MCCC2: variants seen among roughly 807,000 people sequenced by gnomAD.
The protein encoded by MCCC2 is methylcrotonoyl-CoA carboxylase beta chain, mitochondrial.
A neutral mutation model predicts 77.2 loss-of-function variants in MCCC2; 52 were observed. That is an observed-to-expected ratio of 0.67 (90% confidence interval 0.54 to 0.85). MCCC2 has a LOEUF of 0.85. Among genes scored for constraint, MCCC2 ranks in the 40% least tolerant of loss-of-function variants. The pLI is 0.00. For missense variants in MCCC2, 682 were observed against 703.2 expected, an observed-to-expected ratio of 0.97 and a Z score of 0.34; for synonymous variants, 253 against 248.4, an observed-to-expected ratio of 1.02 and a Z score of -0.18.
At chr5:71,601,879 T>C (rs1745451098) in intron 4 of MCCC2, among the ~76,000 whole-genome samples, 1 of 152,092 alleles carries the variant, frequency 6.6e-6, no homozygotes, top group African/African-American at 2.4e-5. Context: ...AATAAACTGG[T>C]TTTGGTGAGA....
intron 8 of MCCC2, among the ~76,000 whole-genome samples, chr5:71,634,544 T>C (rs1448774897): frequency 6.6e-6 from 1 of 152,196 alleles, no homozygotes; most frequent in Non-Finnish European, 1.5e-5. Context: ...AAGTGTGCCG[T>C]CTGTGGTTGG....
chr5:71,624,693 CTT>C (rs36140678), intron 6 of MCCC2, among the ~76,000 whole-genome samples: 1,268 of 101,850 alleles, frequency 0.012, 18 homozygotes, highest in African/African-American at 0.034. Flanking sequence ...TTCTTTCTTT[CTT>C]TTTTTTTTTT....
chr5:71,644,496 C>T (rs985409625), intron 12 of MCCC2, among the ~76,000 whole-genome samples: 3 of 151,888 alleles, frequency 2.0e-5, no homozygotes, highest in African/African-American at 7.2e-5. Context: ...TCCTCCAAGA[C>T]ATCAGAAAAA....
chr5:71,607,786 T>C (rs377089691), intron 6 of MCCC2, among the ~76,000 whole-genome samples: 1,620 of 149,706 alleles, frequency 0.011, 19 homozygotes, highest in Non-Finnish European at 0.016. Context: ...TCTTTGTTCT[T>C]GTTGGTTTCA....
intron 3 of MCCC2, among the ~76,000 whole-genome samples, chr5:71,597,118 A>G (rs1375281993): frequency 2.6e-5 from 4 of 151,278 alleles, no homozygotes; most frequent in African/African-American, 7.3e-5. Flanking sequence ...TTAAAGGAGG[A>G]GAGAGAGAGA....
At chr5:71,634,502 C>T (rs1258827840) in intron 8 of MCCC2, among the ~76,000 whole-genome samples, 1 of 152,206 alleles carries the variant, frequency 6.6e-6, no homozygotes, top group Non-Finnish European at 1.5e-5. Context: ...CAGTTACGTA[C>T]ACAGTTTATG....
intron 13 of MCCC2, among the ~76,000 whole-genome samples, chr5:71,648,211 G>A (rs995333405): frequency 6.6e-6 from 1 of 152,226 alleles, no homozygotes; most frequent in African/African-American, 2.4e-5. Context: ...GCAAACCAGG[G>A]ATAGTGGCAG....
chr5:71,610,983 TCAAA>T (rs572414627), intron 6 of MCCC2, among the ~76,000 whole-genome samples: 1,827 of 152,098 alleles, frequency 0.012, 23 homozygotes, highest in Non-Finnish European at 0.016. Flanking sequence ...AGACTCCGTC[TCAAA>T]CAAACAAAGA....
At position 71,596,939 on chromosome 5, in the gene MCCC2, C is replaced by A. The variant is rs377078935; in HGVS notation, c.281+575C>A. 6.7e-3 allele frequency among the ~76,000 whole-genome samples: 880 copies of A among 131,336 alleles called. 9 individuals carry two copies. The highest frequency in any genetic ancestry group is 0.022 in the African/African-American group (789 of 35,246). 86.2% of individuals were successfully genotyped at this position (131,336 alleles called of 152,430 possible). A position where few individuals can be genotyped will look rare whatever the true frequency, so the allele number is the denominator to read the frequency against. On this transcript the variant is annotated intron_variant, in intron 3 of 16. Coordinates refer to ENST00000340941, the MANE Select transcript of MCCC2 (RefSeq NM_022132.5). ...TGGGTGACAGAGCGAGACTCTGTCTCAAAAAAAAAAAAGATTGTAAATTCT... is the reference window on the plus strand; with the variant it reads ...TGGGTGACAGAGCGAGACTCTGTCTAAAAAAAAAAAAAGATTGTAAATTCT...
At chr5:71,608,513 G>C (rs1561828663) in intron 6 of MCCC2, among the ~76,000 whole-genome samples, 1 of 149,346 alleles carries the variant, frequency 6.7e-6, no homozygotes, top group Non-Finnish European at 1.5e-5. Flanking sequence ...ACACTGATGG[G>C]TCTTGACTCT....
intron 10 of MCCC2, among the ~76,000 whole-genome samples, chr5:71,638,551 C>T (rs562109648): frequency 1.4e-4 from 21 of 152,006 alleles, no homozygotes; most frequent in Non-Finnish European, 2.4e-4. Flanking sequence ...GACGGAGTCT[C>T]GCTCTGTCGC....
At chr5:71,600,811 C>T (rs571750307) in intron 4 of MCCC2, among the ~76,000 whole-genome samples, 49 of 152,306 alleles carry the variant, frequency 3.2e-4, no homozygotes, top group African/African-American at 1.1e-3. Context: ...CTACTCCTGG[C>T]CCTGACTTGC....
intron 2 of MCCC2, among the ~76,000 whole-genome samples, chr5:71,594,400 T>G (rs1030180096): frequency 6.6e-6 from 1 of 151,914 alleles, no homozygotes; most frequent in Non-Finnish European, 1.5e-5. Context: ...TGGTGGCGCA[T>G]GCTTGTAATC....
At position 71,656,822 on chromosome 5, in the gene MCCC2, C is replaced by G. The variant is rs768918603; in HGVS notation, c.1654C>G (p.Pro552Ala). The G allele has an allele frequency of 6.2e-7, 1 of 1,613,978 alleles. No homozygotes were observed. Among genetic ancestry groups the G allele is most frequent in the Admixed American group, 1.7e-5 (1 of 60,014 alleles). ...CAGTTTTAGTGCAGCCCTCAACGCA[C>G]CAATAGAGAAGACTGACTTCGGTAT... ...GLSFSAALNA[P>A]IEKTDFGIFR... The change falls in exon 17 of 17, where the codon CCA (proline) becomes GCA (alanine). Residue 552 changes from proline (P) to alanine (A), a missense_variant. Transcript: ENST00000340941.
At chr5:71,645,038 A>G (rs1165976304) in intron 12 of MCCC2, among the ~76,000 whole-genome samples, 1 of 152,170 alleles carries the variant, frequency 6.6e-6, no homozygotes, top group Non-Finnish European at 1.5e-5. Flanking sequence ...GTATATAGAC[A>G]GTATTTCTCA....
At chr5:71,612,992 C>A (rs1475193363) in intron 6 of MCCC2, among the ~76,000 whole-genome samples, 1 of 152,234 alleles carries the variant, frequency 6.6e-6, no homozygotes, top group Non-Finnish European at 1.5e-5. Context: ...CTTCCAGCTC[C>A]TGGTGGCTCC....
chr5:71,610,613 C>A (rs1043468497), intron 6 of MCCC2, among the ~76,000 whole-genome samples: 12 of 152,206 alleles, frequency 7.9e-5, no homozygotes, highest in Non-Finnish European at 1.6e-4. Context: ...TCTTTTTCCA[C>A]AGAGAGTATC....
At chr5:71,623,655 C>G (rs560151313) in intron 6 of MCCC2, among the ~76,000 whole-genome samples, 2 of 152,180 alleles carry the variant, frequency 1.3e-5, no homozygotes, top group African/African-American at 2.4e-5. Context: ...CTGGACCCAC[C>G]ACATATTCAA....
chr5:71,633,117 A>ATTTT (rs1561841336), intron 8 of MCCC2, among the ~76,000 whole-genome samples: 2 of 75,236 alleles, frequency 2.7e-5, no homozygotes, highest in African/African-American at 5.6e-5. Context: ...ATATATATAT[A>ATTTT]TATATATATA....
Sources: allele counts gnomAD v4.1 joint callset (sites outside exome capture counted in the v4.1 genomes callset), GRCh38; gene constraint gnomAD v4.1.1; transcripts MANE v1.5; gene names NCBI Gene and HGNC (gene_info 2026-07-23, HGNC 2026-07-21).